The following CTIF variants were observed in gnomAD, a reference collection of about 807,000 sequenced individuals.
The protein encoded by CTIF is cap binding complex dependent translation initiation factor.
CTIF carries 21 observed loss-of-function variants against 66.0 expected under a neutral mutation model. The observed-to-expected ratio is 0.32, with a 90% confidence interval of 0.23 to 0.46. The LOEUF is 0.46. Ranked by LOEUF, CTIF falls within the 20% of genes least tolerant of loss-of-function variation. The pLI, the probability that CTIF is intolerant of heterozygous loss-of-function variation, is 1.00. For missense variants in CTIF, 739 were observed against 812.7 expected (o/e 0.91, Z 1.10); for synonymous variants, 345 against 326.4 (o/e 1.06, Z -0.62).
intron 10 of CTIF, among the ~76,000 whole-genome samples, chr18:48,824,089 C>A (rs1212207884): frequency 3.9e-5 from 6 of 151,974 alleles, no homozygotes; most frequent in Admixed American, 3.9e-4. Context: ...CTTTCTATTT[C>A]TGTGCACTAT....
chr18:48,692,867 C>G (rs2091950917), intron 6 of CTIF, among the ~76,000 whole-genome samples: 1 of 152,170 alleles, frequency 6.6e-6, no homozygotes, highest in Non-Finnish European at 1.5e-5. Flanking sequence ...AAAATCTCCT[C>G]AGGTCATTAT....
At chr18:48,792,396 G>A (rs1005754637) in intron 9 of CTIF, among the ~76,000 whole-genome samples, 1 of 152,198 alleles carries the variant, frequency 6.6e-6, no homozygotes, top group African/African-American at 2.4e-5. Context: ...GGGGTGGGAT[G>A]CATCAGAGGG....
intron 10 of CTIF, among the ~76,000 whole-genome samples, chr18:48,848,198 TTTC>T (rs1385980115): frequency 3.3e-5 from 5 of 152,176 alleles, no homozygotes; most frequent in Non-Finnish European, 7.3e-5. Context: ...GTCACTATCT[TTTC>T]TTCTTTGTTT....
Position 48,761,345 on chromosome 18 carries a change from C to T in CTIF, c.1072-45C>T, listed in dbSNP as rs1426651172. ...CCACCAGGCCACCCCTGCACAGAGA[C>T]CTCGGCTTCACTCAGGCACATTCAT... is the stretch of plus-strand genomic sequence containing the variant. On this transcript the variant is annotated intron_variant, in intron 8 of 11. Transcript: ENST00000256413. The surrounding 1 kb of genome is among the most constrained non-coding windows in gnomAD (Gnocchi z 4.2). 6.3e-7 allele frequency: 1 copy of T among 1,586,012 alleles called. No individual in the cohort carries two copies. Among genetic ancestry groups the T allele is most frequent in the Non-Finnish European group, 8.6e-7 (1 of 1,163,866 alleles).
intron 6 of CTIF, among the ~76,000 whole-genome samples, chr18:48,691,078 G>C (rs2091918614): frequency 6.6e-6 from 1 of 152,188 alleles, no homozygotes; most frequent in South Asian, 2.1e-4. Context: ...TTTTTATAAA[G>C]GGAATCGGGT....
At chr18:48,669,972 C>T (rs2091502492) in intron 5 of CTIF, among the ~76,000 whole-genome samples, 1 of 151,068 alleles carries the variant, frequency 6.6e-6, no homozygotes, top group Admixed American at 6.6e-5. Flanking sequence ...CACTATTATC[C>T]TCATTTAACA....
chr18:48,565,498 G>A (rs192832914), intron 1 of CTIF: 1 of 152,178 alleles, frequency 6.6e-6, no homozygotes, highest in Admixed American at 6.5e-5. Context: ...CAAGTCTCTT[G>A]GATTTTGCTG....
rs555904004 is a variant in CTIF, at chr18:48,636,466, T to A, written c.181-148T>A. ...CTTGATGATGCCAAATTGGGTCTGA[T>A]GGTTGAGAAAGATTTGCATTGAAAT... On this transcript the variant is annotated intron_variant, in intron 2 of 11. Transcript: ENST00000256413. The A allele has an allele frequency of 7.9e-6, 4 of 505,288 alleles. No individual in the cohort carries two copies. In the Admixed American group the frequency reaches 1.3e-4, roughly 16 times the overall value. The allele number at this position is 505,288 out of a possible 1,614,324, so 31.3% of individuals were successfully genotyped here.
At chr18:48,706,351 A>G (rs2092154125) in intron 6 of CTIF, among the ~76,000 whole-genome samples, 1 of 152,160 alleles carries the variant, frequency 6.6e-6, no homozygotes, top group African/African-American at 2.4e-5. Flanking sequence ...GGATGGAGGC[A>G]TAGACGGGTG....
chr18:48,848,281 G>A (rs1256158357), intron 10 of CTIF, among the ~76,000 whole-genome samples: 3 of 152,040 alleles, frequency 2.0e-5, no homozygotes, highest in Non-Finnish European at 4.4e-5. Context: ...CTCATCCACC[G>A]GCCCAGCCAG....
At chr18:48,569,198 GCTTCAACTTACGAA>G (rs1160581145) in intron 1 of CTIF, among the ~76,000 whole-genome samples, 1 of 152,162 alleles carries the variant, frequency 6.6e-6, no homozygotes, top group East Asian at 1.9e-4. Context: ...GAGGGTTAGG[GCTTCAACTTACGAA>G]TTTGGTGAGT....
intron 9 of CTIF, among the ~76,000 whole-genome samples, chr18:48,790,672 G>A (rs549173732): frequency 1.2e-4 from 19 of 152,358 alleles, no homozygotes; most frequent in African/African-American, 3.8e-4. Flanking sequence ...AAGGGAGGAC[G>A]TGACCGGCAG....
intron 10 of CTIF, among the ~76,000 whole-genome samples, chr18:48,818,164 C>T (rs1348796372): frequency 6.6e-6 from 1 of 152,236 alleles, no homozygotes; most frequent in Admixed American, 6.5e-5. Flanking sequence ...TTTCTACACC[C>T]CTCTGGCTGC....
intron 7 of CTIF, among the ~76,000 whole-genome samples, chr18:48,725,214 C>G (rs180965313): frequency 1.7e-3 from 263 of 152,140 alleles, no homozygotes; most frequent in African/African-American, 5.7e-3. Context: ...GCTGCAGCCA[C>G]GGTGCAAAGA....
chr18:48,712,332 C>T (rs189386114), intron 7 of CTIF, among the ~76,000 whole-genome samples: 4 of 152,324 alleles, frequency 2.6e-5, no homozygotes, highest in Non-Finnish European at 4.4e-5. Flanking sequence ...TGGATAAGAA[C>T]ATGCAGCTGA....
At chr18:48,604,087 G>T (rs1008166166) in intron 1 of CTIF, among the ~76,000 whole-genome samples, 4 of 147,618 alleles carry the variant, frequency 2.7e-5, no homozygotes, top group Non-Finnish European at 4.4e-5. Context: ...CAGGCAATCT[G>T]CCCACCTCGG....
At chr18:48,708,702 T>A (rs1209204849) in intron 6 of CTIF, among the ~76,000 whole-genome samples, 1 of 152,224 alleles carries the variant, frequency 6.6e-6, no homozygotes, top group African/African-American at 2.4e-5. Context: ...CCACTCATTT[T>A]TCGCCTCACT....
intron 10 of CTIF, among the ~76,000 whole-genome samples, chr18:48,842,714 A>T (rs1006070050): frequency 2.0e-5 from 3 of 152,244 alleles, no homozygotes; most frequent in South Asian, 2.1e-4. Context: ...TGGGGCTGTG[A>T]AAATCACAAC....
At chr18:48,756,540 G>A (rs990586486) in intron 7 of CTIF, among the ~76,000 whole-genome samples, 3 of 152,192 alleles carry the variant, frequency 2.0e-5, no homozygotes, top group African/African-American at 7.2e-5. Context: ...CACGGAGGAG[G>A]TGCAGCGCTT....
Sources: gnomAD v4.1 joint callset for allele counts (sites outside exome capture counted in the v4.1 genomes callset) on GRCh38, gnomAD v4.1.1 for gene constraint, Gnocchi (gnomAD v3.1) non-coding constraint, MANE v1.5 for transcripts, NCBI Gene and HGNC (gene_info 2026-07-23, HGNC 2026-07-21) for gene names.